ANKRD62: variants seen among roughly 807,000 people sequenced by gnomAD.
ANKRD62 encodes ankyrin repeat domain-containing protein 62.
Under a neutral mutation model 98.8 loss-of-function variants are expected in ANKRD62, and 61 were observed. That is an observed-to-expected ratio of 0.62 (90% confidence interval 0.50 to 0.76). ANKRD62 has a LOEUF of 0.76. Ranked by LOEUF, ANKRD62 falls within the 30% of genes least tolerant of loss-of-function variation. The probability of loss-of-function intolerance (pLI) is 0.00; values close to 1 mark genes in which losing one functional copy is unlikely to be tolerated. For missense variants in ANKRD62, 933 were observed against 1,082.9 expected (o/e 0.86, Z 1.94); for synonymous variants, 341 against 367.9 (o/e 0.93, Z 0.84).
the ANKRD62 span, among the ~76,000 whole-genome samples, chr18:12,138,714 A>G: frequency 3.9e-5 from 6 of 152,316 alleles, no homozygotes; most frequent in African/African-American, 1.4e-4. Context: ...GACTTGCTTT[A>G]TGAATCTGGG....
chr18:12,141,755 G>A, the ANKRD62 span, among the ~76,000 whole-genome samples: 9 of 57,632 alleles, frequency 1.6e-4, no homozygotes, highest in African/African-American at 4.4e-4. Flanking sequence ...CAGAGTTCTC[G>A]CGTTGGTTCT....
chr18:12,164,702 A>G, the ANKRD62 span, among the ~76,000 whole-genome samples: 1 of 152,068 alleles, frequency 6.6e-6, no homozygotes, highest in African/African-American at 2.4e-5. Context: ...ACAAGTTTCT[A>G]GAAGTTTTTC....
chr18:12,154,810 C>T, the ANKRD62 span, among the ~76,000 whole-genome samples: 1 of 152,220 alleles, frequency 6.6e-6, no homozygotes, highest in African/African-American at 2.4e-5. Flanking sequence ...AAGGTCATGT[C>T]TTTTGTGGGA....
At chr18:12,115,181 A>T in intron 9 of ANKRD62, 60 bp downstream of exon 9, 1 of 1,344,526 alleles carries the variant, frequency 7.4e-7, no homozygotes, top group East Asian at 2.6e-5. Flanking sequence ...AGATCATGGT[A>T]AAAAACAGAA....
chr18:12,111,283 CAAAT>C (rs1462443803), intron 8 of ANKRD62, among the ~76,000 whole-genome samples: 1 of 151,164 alleles, frequency 6.6e-6, no homozygotes, highest in Non-Finnish European at 1.5e-5. Context: ...TGTAATTAAT[CAAAT>C]AAACAGAATT....
downstream of ANKRD62, among the ~76,000 whole-genome samples, chr18:12,131,180 A>G (rs1909998207): frequency 6.6e-6 from 1 of 152,172 alleles, no homozygotes; most frequent in African/African-American, 2.4e-5. Context: ...TCCTTGACAT[A>G]TAATAGGGCT....
Position 12,125,810 on chromosome 18 carries a change from C to T in ANKRD62, c.1989C>T (p.Ala663=), listed in dbSNP as rs1307434396. 6 of 1,549,468 alleles carry T rather than the reference C, an allele frequency of 3.9e-6. No homozygotes were observed. The highest frequency in any genetic ancestry group is 5.2e-6 in the Non-Finnish European group (6 of 1,147,182). The change falls in exon 13 of 14, where the codon GCC becomes GCT. Residue 663 remains alanine, a synonymous_variant. Coordinates refer to ENST00000587848, the MANE Select transcript of ANKRD62 (RefSeq NM_001277333.2). ...MESYRCRLAA[A]LCDHDQRQSS... ...CATACCGTTGTAGACTGGCTGCTGC[C>T]CTATGTGATCATGATCAACGTCAGT...
At chr18:12,136,566 T>C in the ANKRD62 span, among the ~76,000 whole-genome samples, 1 of 152,192 alleles carries the variant, frequency 6.6e-6, no homozygotes, top group African/African-American at 2.4e-5. Context: ...GGTAGTTTTT[T>C]CCAATTCTGT....
the ANKRD62 span, among the ~76,000 whole-genome samples, chr18:12,159,153 A>G: frequency 6.6e-6 from 1 of 152,308 alleles, no homozygotes; most frequent in South Asian, 2.1e-4. Context: ...AAGAGTGCAT[A>G]TATTTTGTAG....
In ANKRD62 at chr18:12,103,246, T is replaced by G; in HGVS notation, c.891+18T>G. 1.5e-6 allele frequency: 2 copies of G among 1,321,772 alleles called. No homozygotes were observed. Among genetic ancestry groups the G allele is most frequent in the Non-Finnish European group, 2.0e-6 (2 of 1,025,486 alleles). The allele number at this position is 1,321,772 out of a possible 1,614,324, so 81.9% of individuals were successfully genotyped here. ...AGCCACAGGTATGTAAAAATTTAATTTCAAATTTCTGGTTTTCTTTGGTAA... is the reference window on the plus strand; with the variant it reads ...AGCCACAGGTATGTAAAAATTTAATGTCAAATTTCTGGTTTTCTTTGGTAA... On this transcript the variant is annotated intron_variant, in intron 7 of 13. Transcript: ENST00000587848.
At chr18:12,150,195 A>G in the ANKRD62 span, among the ~76,000 whole-genome samples, 1 of 152,216 alleles carries the variant, frequency 6.6e-6, no homozygotes, top group Non-Finnish European at 1.5e-5. Context: ...TCTAGCTGAG[A>G]AAAGAATTTC....
At chr18:12,113,302 A>G (rs1453682996) in intron 8 of ANKRD62, among the ~76,000 whole-genome samples, 1 of 152,144 alleles carries the variant, frequency 6.6e-6, no homozygotes, top group Non-Finnish European at 1.5e-5. Flanking sequence ...CCCTATTAAC[A>G]TGCCATCTAA....
At chr18:12,112,321 A>G (rs1479299467) in intron 8 of ANKRD62, among the ~76,000 whole-genome samples, 2 of 152,166 alleles carry the variant, frequency 1.3e-5, no homozygotes, top group Non-Finnish European at 2.9e-5. Context: ...TTCAAACTAT[A>G]CTACAGAGTT....
rs1909844469 is a variant in ANKRD62, at chr18:12,124,285, G to A, written c.1603G>A (p.Val535Met). The A allele has an allele frequency of 1.5e-6, 2 of 1,320,698 alleles. No individual in the cohort carries two copies. Among genetic ancestry groups the A allele is most frequent in the Non-Finnish European group, 2.0e-6 (2 of 976,882 alleles). The allele number at this position is 1,320,698 out of a possible 1,614,324, so 81.8% of individuals were successfully genotyped here. A position where few individuals can be genotyped will look rare whatever the true frequency, so the allele number is the denominator to read the frequency against. ...QSKLTLKSLE[V>M]ELKTVRSNSN... ...TAAACTGACTCTCAAATCATTGGAA[G>A]TGGAATTGAAGACTGTAAGAAGTAA... Residue 535 changes from valine (V) to methionine (M), a missense_variant, in exon 12 of 14, where the codon GTG becomes ATG. This residue lies in a region of ANKRD62 where 22 missense variants were observed against 60.5 expected (regional missense o/e 0.36). Coordinates refer to ENST00000587848, the MANE Select transcript of ANKRD62 (RefSeq NM_001277333.2).
chr18:12,096,021 A>G (rs75817153), intron 3 of ANKRD62, among the ~76,000 whole-genome samples, 175 bp from the exon 4 acceptor site: 4 of 152,210 alleles, frequency 2.6e-5, no homozygotes, highest in African/African-American at 4.8e-5. Context: ...TAGGAGGGGT[A>G]TCTGAAAGGG....
At chr18:12,099,705 C>T in intron 6 of ANKRD62, 23 bp downstream of exon 6, 1 of 1,359,082 alleles carries the variant, frequency 7.4e-7, no homozygotes, top group Non-Finnish European at 9.8e-7. Context: ...ATAGTGAATT[C>T]CTCTCGATGG....
At chr18:12,138,038 TA>T in the ANKRD62 span, among the ~76,000 whole-genome samples, 1 of 152,188 alleles carries the variant, frequency 6.6e-6, no homozygotes, top group South Asian at 2.1e-4. Context: ...TTTGTGTCTC[TA>T]TCTCCTTCAG....
At chr18:12,111,274 G>A (rs1909532859) in intron 8 of ANKRD62, among the ~76,000 whole-genome samples, 1 of 151,062 alleles carries the variant, frequency 6.6e-6, no homozygotes, top group Admixed American at 6.6e-5. Context: ...ATCAATAAAT[G>A]TAATTAATCA....
chr18:12,108,297 G>GA (rs1909459546), intron 8 of ANKRD62, among the ~76,000 whole-genome samples: 1 of 152,196 alleles, frequency 6.6e-6, no homozygotes, highest in Non-Finnish European at 1.5e-5. Flanking sequence ...CCTGGCTGGG[G>GA]AAGCCTCAGG....
Sources: allele counts gnomAD v4.1 joint callset (sites outside exome capture counted in the v4.1 genomes callset), GRCh38; gene constraint gnomAD v4.1.1; regional missense constraint gnomAD v4.1.1; transcripts MANE v1.5; gene names NCBI Gene and HGNC (gene_info 2026-07-23, HGNC 2026-07-21).